Variants in CCDC148 observed in about 807,000 individuals in gnomAD.
CCDC148 encodes the protein coiled-coil domain-containing protein 148.
In CCDC148, 89 loss-of-function variants were observed where a neutral mutation model predicts 85.7. That is an observed-to-expected ratio of 1.04 (90% CI 0.87 to 1.24). The LOEUF (loss-of-function observed/expected upper bound fraction) is 1.24, where lower values mean the gene tolerates loss of function less well. CCDC148 is among the 50% of genes most tolerant of loss of function. The pLI, the probability that CCDC148 is intolerant of heterozygous loss-of-function variation, is 0.00. For synonymous variants in CCDC148, 230 were observed against 213.9 expected (o/e 1.08, Z -0.66); for missense variants, 692 against 671.7 (o/e 1.03, Z -0.33).
intron 9 of CCDC148, among the ~76,000 whole-genome samples, chr2:158,293,009 T>C (rs62184067): frequency 0.058 from 8,889 of 152,240 alleles, 356 homozygotes; most frequent in Non-Finnish European, 0.081. Flanking sequence ...GGATTGGTGT[T>C]AGGCATTAGT....
rs1281581759 is a variant in CCDC148 at position 158,455,922 on chromosome 2, AAG to A, written c.25+491_25+492del. Among the ~76,000 whole-genome samples the A allele has an allele frequency of 5.3e-5, 8 of 152,352 alleles. 1 individual carries two copies. Among genetic ancestry groups the A allele is most frequent in the Admixed American group, 4.6e-4 (7 of 15,308 alleles). The stretch of plus-strand genomic sequence containing the variant: ...TCAGGTTATTTCCATATCAAATTTA[AAG>A]AGATACTGGAAAATAGAAAACAAAA... On this transcript the variant is annotated intron_variant, in intron 1 of 13. Coordinates refer to ENST00000283233, the MANE Select transcript of CCDC148 (RefSeq NM_138803.4).
intron 9 of CCDC148, among the ~76,000 whole-genome samples, chr2:158,283,440 A>T (rs1224789477): frequency 7.5e-6 from 1 of 133,342 alleles, no homozygotes; most frequent in Non-Finnish European, 1.7e-5. Context: ...CAAGTGAAAA[A>T]CAACGCCATC....
intron 9 of CCDC148, among the ~76,000 whole-genome samples, chr2:158,270,038 CATGAGAT>C (rs1689631865): frequency 6.6e-6 from 1 of 152,106 alleles, no homozygotes; most frequent in African/African-American, 2.4e-5. Context: ...TGTCTTCAAG[CATGAGAT>C]ATAAGATTGC....
intron 10 of CCDC148, among the ~76,000 whole-genome samples, chr2:158,227,881 C>G (rs1157983376): frequency 6.6e-6 from 1 of 152,134 alleles, no homozygotes; most frequent in South Asian, 2.1e-4. Flanking sequence ...CAATACCATT[C>G]AGGACATAGG....
intron 1 of CCDC148, among the ~76,000 whole-genome samples, chr2:158,429,398 T>A (rs1687234798): frequency 6.6e-6 from 1 of 151,460 alleles, no homozygotes; most frequent in South Asian, 2.1e-4. Context: ...GATAGATAGA[T>A]AGATAGGAAT....
intron 1 of CCDC148, among the ~76,000 whole-genome samples, chr2:158,417,360 C>A (rs1352179422): frequency 1.3e-5 from 2 of 152,324 alleles, no homozygotes; most frequent in Non-Finnish European, 2.9e-5. Context: ...AGAACTCCTG[C>A]CAGGAGCTGA....
At chr2:158,356,392 C>A (rs1242575125) in intron 2 of CCDC148, among the ~76,000 whole-genome samples, 1 of 140,558 alleles carries the variant, frequency 7.1e-6, no homozygotes, top group African/African-American at 2.6e-5. Flanking sequence ...AAGAAAAAAA[C>A]AAACAACCCC....
At chr2:158,279,546 T>C (rs943959972) in intron 9 of CCDC148, among the ~76,000 whole-genome samples, 1 of 151,894 alleles carries the variant, frequency 6.6e-6, no homozygotes, top group African/African-American at 2.4e-5. Context: ...ATGAAATGAA[T>C]GAAATGAAGT....
intron 1 of CCDC148, among the ~76,000 whole-genome samples, chr2:158,415,760 C>T (rs1426481110): frequency 6.6e-6 from 1 of 152,222 alleles, no homozygotes. Flanking sequence ...AGGGCAGTCA[C>T]TAAATCTTAA....
intron 1 of CCDC148, among the ~76,000 whole-genome samples, chr2:158,385,592 T>C (rs1440982842): frequency 6.6e-6 from 1 of 152,194 alleles, no homozygotes; most frequent in Non-Finnish European, 1.5e-5. Context: ...AAAATGTATA[T>C]AGAAATCCAA....
chr2:158,213,443 T>A (rs1686683123), intron 11 of CCDC148, among the ~76,000 whole-genome samples: 1 of 152,226 alleles, frequency 6.6e-6, no homozygotes, highest in Admixed American at 6.5e-5. Flanking sequence ...GGCCACAATA[T>A]AATTATCCTT....
At chr2:158,416,708 G>C (rs72999363) in intron 1 of CCDC148, among the ~76,000 whole-genome samples, 4,982 of 152,082 alleles carry the variant, frequency 0.033, 121 homozygotes, top group African/African-American at 0.063. Flanking sequence ...TCATCTTTCT[G>C]TCTTCTTCTG....
chr2:158,427,253 CTTA>C (rs1272777979), intron 1 of CCDC148, among the ~76,000 whole-genome samples: 5 of 152,058 alleles, frequency 3.3e-5, no homozygotes, highest in Admixed American at 1.3e-4. Context: ...TCATTTATGA[CTTA>C]TTATGTTCAT....
intron 1 of CCDC148, among the ~76,000 whole-genome samples, chr2:158,361,521 A>G (rs1463778001): frequency 1.3e-5 from 2 of 152,190 alleles, no homozygotes; most frequent in African/African-American, 4.8e-5. Context: ...GCCAATATTC[A>G]ACATTCTTAA....
At chr2:158,404,784 G>T (rs1368901097) in intron 1 of CCDC148, among the ~76,000 whole-genome samples, 4 of 152,140 alleles carry the variant, frequency 2.6e-5, no homozygotes, top group Non-Finnish European at 4.4e-5. Flanking sequence ...AGTCACTAGG[G>T]AGGACCAGAC....
intron 1 of CCDC148, among the ~76,000 whole-genome samples, chr2:158,377,182 C>G (rs1684686129): frequency 6.6e-6 from 1 of 151,150 alleles, no homozygotes; most frequent in African/African-American, 2.4e-5. Context: ...TCTATGAAAA[C>G]TAGGGGAAGT....
intron 1 of CCDC148, among the ~76,000 whole-genome samples, chr2:158,436,394 A>G (rs1326701128): frequency 6.6e-6 from 1 of 152,206 alleles, no homozygotes; most frequent in Non-Finnish European, 1.5e-5. Flanking sequence ...ACCTAACGAA[A>G]TAAGGCAGAA....
rs1254994600 is a variant in CCDC148 at position 158,338,971 on chromosome 2, T to C, written c.582+19A>G. On this transcript the variant is annotated intron_variant, in intron 6 of 13. Coordinates refer to ENST00000283233, the MANE Select transcript of CCDC148 (RefSeq NM_138803.4). The stretch of plus-strand genomic sequence containing the variant: ...GACAAATTGATAAACACATAAATTA[T>C]TAGCCACATCACACTTACCTTTATA... 6.2e-7 allele frequency: 1 copy of C among 1,604,572 alleles called. No homozygotes were observed.
intron 1 of CCDC148, among the ~76,000 whole-genome samples, chr2:158,446,197 A>G (rs536520330): frequency 9.2e-5 from 14 of 152,070 alleles, no homozygotes; most frequent in Non-Finnish European, 1.5e-4. Flanking sequence ...AAAAACTACA[A>G]TGTAAAAATT....
Sources: gnomAD v4.1 joint callset for allele counts (sites outside exome capture counted in the v4.1 genomes callset) on GRCh38, gnomAD v4.1.1 for gene constraint, MANE v1.5 for transcripts, NCBI Gene and HGNC (gene_info 2026-07-23, HGNC 2026-07-21) for gene names.